RFX3: variants seen among roughly 807,000 people sequenced by gnomAD.
RFX3 encodes the protein regulatory factor X3, also known as transcription factor RFX3.
Under a neutral mutation model 98.6 loss-of-function variants are expected in RFX3, and 14 were observed. The ratio of observed to expected loss-of-function variants is 0.14; its 90% CI spans 0.09 to 0.22. RFX3 has a LOEUF of 0.22. RFX3 is among the 10% of genes least tolerant of loss of function. The pLI is 1.00. For missense variants in RFX3, 639 were observed against 926.9 expected (o/e 0.69, Z 4.03); for synonymous variants, 383 against 328.4 (o/e 1.17, Z -1.80).
rs374792370 is a variant in RFX3 at position 3,264,465 on chromosome 9, TG to T, written c.1456-1382del. Among the ~76,000 whole-genome samples, 43 of 152,136 alleles carry T rather than the reference TG, an allele frequency of 2.8e-4. No homozygotes were observed. In the East Asian group the frequency reaches 7.9e-3, roughly 28 times the overall value. On this transcript the variant is annotated intron_variant, in intron 12 of 16. Coordinates refer to ENST00000617270, the MANE Select transcript of RFX3 (RefSeq NM_001282116.2). ...AGATGTTTGAGGACTATTTGGAACT[TG>T]GGGGGAAGCTCATACGTCCTCAAAA...
chr9:3,393,453 T>C (rs1564035450), intron 2 of RFX3, among the ~76,000 whole-genome samples: 1 of 152,200 alleles, frequency 6.6e-6, no homozygotes, highest in Non-Finnish European at 1.5e-5. Context: ...CATCACACTC[T>C]TGTTAGTGAT....
chr9:3,445,961 A>C (rs545432987), intron 1 of RFX3, among the ~76,000 whole-genome samples: 2 of 152,222 alleles, frequency 1.3e-5, no homozygotes, highest in East Asian at 3.9e-4. Flanking sequence ...AGTCACATTT[A>C]GATGTACCTC....
At chr9:3,506,523 A>G (rs747055325) in intron 1 of RFX3, among the ~76,000 whole-genome samples, 14 of 151,944 alleles carry the variant, frequency 9.2e-5, no homozygotes, top group Non-Finnish European at 1.5e-4. Context: ...TGTCTCTCCT[A>G]TATTAAGGAA....
intron 12 of RFX3, among the ~76,000 whole-genome samples, chr9:3,263,454 T>C (rs1823184539): frequency 2.0e-5 from 3 of 152,230 alleles, no homozygotes; most frequent in East Asian, 1.9e-4. Context: ...GACAGTCAAG[T>C]AGAAACTAGG....
intron 1 of RFX3, among the ~76,000 whole-genome samples, chr9:3,443,867 G>GT (rs1220437898): frequency 6.6e-6 from 1 of 152,098 alleles, no homozygotes. Flanking sequence ...GCCAGCAGCT[G>GT]TTTTTTGACT....
Position 3,330,268 on chromosome 9 carries a change from G to A in RFX3, c.465C>T (p.Ser155=), listed in dbSNP as rs1832434462. 3.1e-6 allele frequency: 5 copies of A among 1,613,896 alleles called. No homozygotes were observed. The African/African-American group carries it at 5.3e-5, about 17-fold the overall frequency. Residue 155 remains serine, a synonymous_variant, in exon 4 of 17, where the codon TCC becomes TCT. Coordinates refer to ENST00000617270, the MANE Select transcript of RFX3 (RefSeq NM_001282116.2). ...AAATTCAAATACTTACTGTCGCTGG[G>A]GAGGCCCGAGTTGTGTGTGTCACTG... ...GHSVTHTTRA[S]PATIEMAIET...
chr9:3,458,849 A>T (rs1323674375), intron 1 of RFX3, among the ~76,000 whole-genome samples: 1 of 152,226 alleles, frequency 6.6e-6, no homozygotes, highest in Non-Finnish European at 1.5e-5. Context: ...GTAGTAGAAG[A>T]AAGTGAAGAC....
intron 1 of RFX3, among the ~76,000 whole-genome samples, chr9:3,455,022 GC>G (rs1469266462): frequency 2.0e-5 from 3 of 151,876 alleles, no homozygotes; most frequent in Non-Finnish European, 4.4e-5. Context: ...GCAGCACAAT[GC>G]CCCCTCATCC....
chr9:3,491,922 C>T (rs1017419592), intron 1 of RFX3, among the ~76,000 whole-genome samples: 1 of 152,200 alleles, frequency 6.6e-6, no homozygotes, highest in Non-Finnish European at 1.5e-5. Flanking sequence ...TAATAGTTTA[C>T]AGATGACCAT....
At chr9:3,398,671 C>T (rs535065814) in intron 1 of RFX3, among the ~76,000 whole-genome samples, 6 of 152,012 alleles carry the variant, frequency 3.9e-5, no homozygotes, top group Non-Finnish European at 7.4e-5. Flanking sequence ...AAATCTGCCT[C>T]CTATTTCCCC....
At chr9:3,341,832 T>C (rs1833921209) in intron 3 of RFX3, among the ~76,000 whole-genome samples, 1 of 152,188 alleles carries the variant, frequency 6.6e-6, no homozygotes, top group Non-Finnish European at 1.5e-5. Context: ...AGTCAGAATG[T>C]GTACATACGT....
chr9:3,448,244 A>C (rs1443695316), intron 1 of RFX3, among the ~76,000 whole-genome samples: 1 of 152,182 alleles, frequency 6.6e-6, no homozygotes, highest in East Asian at 1.9e-4. Flanking sequence ...ATATACTAAC[A>C]ATCCTTTTGC....
At chr9:3,265,633 C>T (rs1457205900) in intron 12 of RFX3, among the ~76,000 whole-genome samples, 1 of 152,118 alleles carries the variant, frequency 6.6e-6, no homozygotes, top group Non-Finnish European at 1.5e-5. Context: ...AAAGTAGAGA[C>T]TAAAATTTGT....
At chr9:3,504,769 T>TG (rs557623729) in intron 1 of RFX3, among the ~76,000 whole-genome samples, 3,814 of 73,054 alleles carry the variant, frequency 0.052, 915 homozygotes, top group African/African-American at 0.29. Context: ...ATATGCTATA[T>TG]GTATATATTG....
chr9:3,423,098 A>G (rs1428832688), intron 1 of RFX3, among the ~76,000 whole-genome samples: 3 of 152,184 alleles, frequency 2.0e-5, no homozygotes, highest in African/African-American at 4.8e-5. Context: ...CTTAATATCA[A>G]TTTAACACTA....
intron 7 of RFX3, among the ~76,000 whole-genome samples, chr9:3,284,768 C>T (rs896734218): frequency 2.6e-5 from 4 of 151,712 alleles, no homozygotes; most frequent in African/African-American, 7.2e-5. Context: ...ATCAAGTGGG[C>T]TCTAATCTCC....
At chr9:3,268,291 G>A (rs537601930) in intron 11 of RFX3, among the ~76,000 whole-genome samples, 137 of 151,788 alleles carry the variant, frequency 9.0e-4, no homozygotes, top group South Asian at 8.7e-3. Flanking sequence ...TAGTAGCCAG[G>A]AAAATACAAT....
At chr9:3,426,722 T>C (rs1844072988) in intron 1 of RFX3, among the ~76,000 whole-genome samples, 1 of 152,188 alleles carries the variant, frequency 6.6e-6, no homozygotes, top group African/African-American at 2.4e-5. Flanking sequence ...ATCTAATGCC[T>C]GATGATCTGT....
rs942321425 is a variant in RFX3, at chr9:3,223,227, A to G, written c.*1815T>C. ...TTTTTACAACTATTTAAATGAACAG[A>G]TGTGCCTTTCTTGTGTTTTAATCAT... On this transcript the variant is annotated 3_prime_UTR_variant, in exon 17 of 17. Coordinates refer to ENST00000617270, the MANE Select transcript of RFX3 (RefSeq NM_001282116.2). 1 of 152,144 alleles carries G rather than the reference A, an allele frequency of 6.6e-6. No individual in the cohort carries two copies. The highest frequency in any genetic ancestry group is 2.4e-5 in the African/African-American group (1 of 41,440). 9.4% of individuals were successfully genotyped at this position (152,144 alleles called of 1,614,324 possible).
Sources: allele counts gnomAD v4.1 joint callset (sites outside exome capture counted in the v4.1 genomes callset), GRCh38; gene constraint gnomAD v4.1.1; transcripts MANE v1.5; gene names NCBI Gene and HGNC (gene_info 2026-07-23, HGNC 2026-07-21).